UGT1A6: variants seen among roughly 807,000 people sequenced by gnomAD.
UGT1A6 encodes UDP-glucuronosyltransferase 1A6.
In UGT1A6, 32 loss-of-function variants were observed where a neutral mutation model predicts 44.4. The observed-to-expected ratio is 0.72, with a 90% CI of 0.54 to 0.97. The LOEUF is 0.97. Ranked by LOEUF, UGT1A6 falls within the 50% of genes least tolerant of loss-of-function variation. The pLI is 0.00. For synonymous variants in UGT1A6, 238 were observed against 248.5 expected (o/e 0.96, Z 0.40); for missense variants, 685 against 661.9 (o/e 1.03, Z -0.38).
At chr2:233,754,747 A>G (rs527716521) in intron 1 of UGT1A6, 1 of 765,704 alleles carries the variant, frequency 1.3e-6, no homozygotes, top group African/African-American at 1.8e-5. Context: ...GACATGCAGA[A>G]GGAAGAAAGG....
intron 1 of UGT1A6, among the ~76,000 whole-genome samples, chr2:233,727,881 A>G (rs2077662339): frequency 6.6e-6 from 1 of 152,168 alleles, no homozygotes; most frequent in Non-Finnish European, 1.5e-5. Context: ...CTCACCAGCA[A>G]TGGCAGACAC....
At chr2:233,695,729 A>G (rs1390591347) in intron 1 of UGT1A6, among the ~76,000 whole-genome samples, 2 of 152,158 alleles carry the variant, frequency 1.3e-5, no homozygotes, top group Admixed American at 1.3e-4. Context: ...AGTTACATTT[A>G]TGTTGCTGCA....
intron 1 of UGT1A6, among the ~76,000 whole-genome samples, chr2:233,735,030 C>T (rs1056371330): frequency 3.9e-5 from 6 of 152,186 alleles, no homozygotes; most frequent in African/African-American, 1.2e-4. Context: ...TCTATTAGGT[C>T]TGCTTGGTGC....
intron 1 of UGT1A6, among the ~76,000 whole-genome samples, chr2:233,746,063 AAG>A (rs1693290242): frequency 6.6e-6 from 1 of 151,770 alleles, no homozygotes. Flanking sequence ...CTAGAACGAA[AAG>A]AGAAGAGGAG....
intron 1 of UGT1A6, among the ~76,000 whole-genome samples, chr2:233,731,588 T>C (rs2078180230): frequency 6.6e-6 from 1 of 152,212 alleles, no homozygotes; most frequent in African/African-American, 2.4e-5. Flanking sequence ...TACAGCTTTG[T>C]CCATCTCCCT....
At chr2:233,704,805 T>C (rs1020612580) in intron 1 of UGT1A6, among the ~76,000 whole-genome samples, 12 of 152,136 alleles carry the variant, frequency 7.9e-5, no homozygotes, top group African/African-American at 2.2e-4. Flanking sequence ...ATTATATATA[T>C]GTATATTGCT....
intron 1 of UGT1A6, among the ~76,000 whole-genome samples, chr2:233,750,410 G>A (rs1353067232): frequency 6.6e-6 from 1 of 151,900 alleles, no homozygotes; most frequent in African/African-American, 2.4e-5. Flanking sequence ...CTGACCATGT[G>A]GTAGAAAAGA....
intron 1 of UGT1A6, among the ~76,000 whole-genome samples, chr2:233,757,560 A>ATATATATATATACATATATATATG (rs904896556): frequency 8.1e-6 from 1 of 123,146 alleles, no homozygotes; most frequent in African/African-American, 3.4e-5. Flanking sequence ...ATATATATAT[A>ATATATATATATACATATATATATG]TGTATATATG....
At chr2:233,727,715 G>T (rs2125728496) in intron 1 of UGT1A6, among the ~76,000 whole-genome samples, 1 of 152,312 alleles carries the variant, frequency 6.6e-6, no homozygotes, top group African/African-American at 2.4e-5. Context: ...CAAAGCCCTT[G>T]CAGACCTTCC....
Position 233,765,707 on chromosome 2 carries a change from ATAAT to A in UGT1A6, c.862-1322_862-1319del, listed in dbSNP as rs1196419117. Among the ~76,000 whole-genome samples, 12 of 144,042 alleles carry A rather than the reference ATAAT, an allele frequency of 8.3e-5. No individual in the cohort carries two copies. The East Asian group carries it at 2.3e-3, about 27-fold the overall frequency. 94.5% of individuals were successfully genotyped at this position (144,042 alleles called of 152,430 possible). Reference sequence around the variant, plus strand: ...GAACTTCAAGTAAATAATAATAATAATAATTAATAATAATAATAATAATAAATAA... The same window carrying A: ...GAACTTCAAGTAAATAATAATAATAATAATAATAATAATAATAATAAATAA... On this transcript the variant is annotated intron_variant, in intron 1 of 4. Transcript: ENST00000305139.
At chr2:233,701,814 A>G (rs2075653740) in intron 1 of UGT1A6, among the ~76,000 whole-genome samples, 1 of 152,220 alleles carries the variant, frequency 6.6e-6, no homozygotes, top group Non-Finnish European at 1.5e-5. Context: ...AAGACACAAC[A>G]TACCAGAATC....
rs377261801 is a variant in UGT1A6, at chr2:233,719,531, G to C, written c.861+25666G>C. On this transcript the variant is annotated intron_variant, in intron 1 of 4. Transcript: ENST00000305139. ...CCCCTTATGCAAGTCTTGCCTCTGAGCTTTTTCAGAGAGAGGTGTCAGTGG... is the reference window on the plus strand; with the variant it reads ...CCCCTTATGCAAGTCTTGCCTCTGACCTTTTTCAGAGAGAGGTGTCAGTGG... 3.1e-5 allele frequency: 50 copies of C among 1,613,928 alleles called. No homozygotes were observed. In the African/African-American group the frequency reaches 6.5e-4, roughly 21 times the overall value.
intron 1 of UGT1A6, among the ~76,000 whole-genome samples, chr2:233,711,498 C>T (rs1471685186): frequency 1.3e-5 from 2 of 152,172 alleles, no homozygotes; most frequent in African/African-American, 4.8e-5. Context: ...AGCTGAGAAT[C>T]CCTTTCTAGC....
intron 1 of UGT1A6, among the ~76,000 whole-genome samples, chr2:233,717,462 T>C (rs1357156698): frequency 1.3e-5 from 2 of 152,152 alleles, no homozygotes; most frequent in African/African-American, 4.8e-5. Flanking sequence ...GCCTGTCCCA[T>C]GGGTTGTGTC....
intron 1 of UGT1A6, among the ~76,000 whole-genome samples, chr2:233,745,103 T>C (rs1575669883): frequency 2.6e-5 from 4 of 152,036 alleles, no homozygotes; most frequent in Middle Eastern, 3.4e-3. Flanking sequence ...CAAATATTTT[T>C]AATCTGCTGT....
In UGT1A6 at chr2:233,768,295, C is replaced by G; in HGVS notation, c.1157C>G (p.Pro386Arg). The part of the protein sequence containing the change: ...GVYESICNGV[P>R]MVMMPLFGDQ... ...TATGAAAGCATATGCAATGGCGTTC[C>G]CATGGTGATGATGCCCTTGTTTGGT... The change falls in exon 4 of 5, where the codon CCC (proline) becomes CGC (arginine). Residue 386 changes from proline (P) to arginine (R), a missense_variant. Physicochemically the swap from Pro to Arg is moderately radical, Grantham distance 103 (BLOSUM62 -2). Transcript: ENST00000305139. 6.2e-7 allele frequency: 1 copy of G among 1,614,158 alleles called. No individual in the cohort carries two copies. Among genetic ancestry groups the G allele is most frequent in the Admixed American group, 1.7e-5 (1 of 60,024 alleles).
At chr2:233,770,445 G>A (rs1397015735) in intron 4 of UGT1A6, 1 of 152,118 alleles carries the variant, frequency 6.6e-6, no homozygotes, top group Middle Eastern at 3.2e-3. Flanking sequence ...CTTGAGGTTA[G>A]GAGTTCGAAA....
At chr2:233,763,561 T>A (rs1698343622) in intron 1 of UGT1A6, among the ~76,000 whole-genome samples, 1 of 152,248 alleles carries the variant, frequency 6.6e-6, no homozygotes, top group Admixed American at 6.5e-5. Context: ...GTCAAGTTAC[T>A]GTTCTTATTT....
At chr2:233,748,105 C>T in intron 1 of UGT1A6, 1 of 1,612,580 alleles carries the variant, frequency 6.2e-7, no homozygotes, top group Non-Finnish European at 8.5e-7. Flanking sequence ...TTCATCCAAT[C>T]AATGTTCCAG....
Sources: gnomAD v4.1 joint callset for allele counts (sites outside exome capture counted in the v4.1 genomes callset) on GRCh38, gnomAD v4.1.1 for gene constraint, MANE v1.5 for transcripts, NCBI Gene and HGNC (gene_info 2026-07-23, HGNC 2026-07-21) for gene names.